Variants in HEATR5B observed in about 807,000 individuals in gnomAD.
HEATR5B encodes HEAT repeat-containing protein 5B.
In HEATR5B, 156 loss-of-function variants were observed where a neutral mutation model predicts 224.1. The ratio of observed to expected loss-of-function variants is 0.70; its 90% CI spans 0.61 to 0.80. The LOEUF (loss-of-function observed/expected upper bound fraction) is 0.80, where lower values mean the gene tolerates loss of function less well. Among genes scored for constraint, HEATR5B ranks in the 30% least tolerant of loss-of-function variants. The probability of loss-of-function intolerance (pLI) is 0.00; values close to 1 mark genes in which losing one functional copy is unlikely to be tolerated. For missense variants in HEATR5B, 2,323 were observed against 2,535.5 expected, an observed-to-expected ratio of 0.92 and a Z score of 1.80; for synonymous variants, 1,027 against 893.0, an observed-to-expected ratio of 1.15 and a Z score of -2.68.
At chr2:37,009,775 C>T (rs574639951) in intron 27 of HEATR5B, among the ~76,000 whole-genome samples, 1 of 150,636 alleles carries the variant, frequency 6.6e-6, no homozygotes, top group Non-Finnish European at 1.5e-5. Context: ...CACCCCCCGC[C>T]TCCACTTTTT....
intron 21 of HEATR5B, 132 bp from the exon 22 acceptor site, chr2:37,032,905 A>T: frequency 1.3e-6 from 1 of 757,824 alleles, no homozygotes; most frequent in Non-Finnish European, 2.0e-6. Context: ...TTTGAGACAG[A>T]GTTTTGCTCT....
In HEATR5B at chr2:37,075,646, T is replaced by C. The variant is rs747779156; in HGVS notation, c.448-12A>G. The C allele has an allele frequency of 1.3e-6, 2 of 1,596,158 alleles. No homozygotes were observed. The highest frequency in any genetic ancestry group is 1.7e-6 in the Non-Finnish European group (2 of 1,171,010). ...CTTCGCCCTTGAGACTAGACATGTA[T>C]ACAAAACAAAACTATTTTGTAAAAT... On this transcript the variant is annotated splice_polypyrimidine_tract_variant and intron_variant, in intron 4 of 35. Coordinates refer to ENST00000233099, the MANE Select transcript of HEATR5B (RefSeq NM_019024.3).
intron 34 of HEATR5B, among the ~76,000 whole-genome samples, chr2:36,989,183 T>C (rs563057255): frequency 6.6e-6 from 1 of 152,278 alleles, no homozygotes; most frequent in South Asian, 2.1e-4. Context: ...CCTCCCGGGT[T>C]CAAGCGATTC....
rs1572906945 is a variant in HEATR5B, at chr2:37,058,451, C to T, written c.2059G>A (p.Gly687Arg). The stretch of plus-strand genomic sequence containing the variant: ...CAGATACCACAAATTTTTAATTTAC[C>T]TTCATAAGTTTTTGGAGGTAACAAA... ...LALLPPKTYEGSFNALLRELV... is the reference protein window; with the variant it reads ...LALLPPKTYERSFNALLRELV... The change falls in exon 14 of 36, where the codon GGA (glycine) becomes AGA (arginine). Residue 687 changes from glycine (G) to arginine (R), a missense_variant and splice_region_variant. Gly to Arg is a moderately radical substitution (Grantham distance 125). Coordinates refer to ENST00000233099, the MANE Select transcript of HEATR5B (RefSeq NM_019024.3). 1 of 1,579,328 alleles carries T rather than the reference C, an allele frequency of 6.3e-7. No homozygotes were observed. The highest frequency in any genetic ancestry group is 8.7e-7 in the Non-Finnish European group (1 of 1,149,690).
intron 15 of HEATR5B, 126 bp from the exon 16 acceptor site, chr2:37,056,741 C>T (rs1230587914): frequency 5.3e-6 from 4 of 757,680 alleles, no homozygotes; most frequent in East Asian, 3.0e-5. Flanking sequence ...TGATTGGATC[C>T]GAACATTTGA....
intron 32 of HEATR5B, among the ~76,000 whole-genome samples, 188 bp downstream of exon 32, chr2:37,002,118 G>C (rs1237655007): frequency 6.6e-6 from 1 of 152,142 alleles, no homozygotes; most frequent in Non-Finnish European, 1.5e-5. Flanking sequence ...CCTTAGGTTT[G>C]TGACTTTTTG....
At chr2:37,053,397 C>T in intron 17 of HEATR5B, 105 bp downstream of exon 17, 1 of 506,164 alleles carries the variant, frequency 2.0e-6, no homozygotes, top group Non-Finnish European at 3.4e-6. Context: ...GGCACAGTTA[C>T]CAAGTGATTT....
chr2:37,079,340 A>G lies in HEATR5B; in HGVS notation c.127-9T>C. The G allele has an allele frequency of 6.5e-7, 1 of 1,541,252 alleles. No homozygotes were observed. Among genetic ancestry groups the G allele is most frequent in the Non-Finnish European group, 8.7e-7 (1 of 1,143,448 alleles). On this transcript the variant is annotated splice_polypyrimidine_tract_variant and intron_variant, in intron 2 of 35. Coordinates refer to ENST00000233099, the MANE Select transcript of HEATR5B (RefSeq NM_019024.3). ...TTTTCCTTTACATCGGTCTGTTACAAAAAAAATTTTTAAAAGAACATCATT... is the reference window on the plus strand; with the variant it reads ...TTTTCCTTTACATCGGTCTGTTACAGAAAAAATTTTTAAAAGAACATCATT...
chr2:37,077,944 C>G (rs1338072124), intron 3 of HEATR5B, among the ~76,000 whole-genome samples: 1 of 152,214 alleles, frequency 6.6e-6, no homozygotes, highest in East Asian at 1.9e-4. Context: ...CAACACACTT[C>G]TTCAGGAGCA....
intron 21 of HEATR5B, among the ~76,000 whole-genome samples, chr2:37,034,198 G>A (rs1287294457): frequency 6.6e-6 from 1 of 151,106 alleles, no homozygotes; most frequent in Non-Finnish European, 1.5e-5. Context: ...AGTAGAGATG[G>A]GGTTTCACCG....
rs774136648 is a variant in HEATR5B at position 37,007,123 on chromosome 2, G to C, written c.4704C>G (p.Asn1568Lys). ...LQKRSTSVNL[N>K]QASGAVGSAK... The stretch of plus-strand genomic sequence containing the variant: ...CACTACCCACTGCTCCTGATGCCTG[G>C]TTTAAATTGACAGATGTAGAACGTT... The change falls in exon 29 of 36, where the codon AAC (asparagine) becomes AAG (lysine). Residue 1568 changes from asparagine to lysine, a missense_variant. Asn to Lys is a moderately conservative substitution (Grantham distance 94). Coordinates refer to ENST00000233099, the MANE Select transcript of HEATR5B (RefSeq NM_019024.3). 84 of 1,613,920 alleles carry C rather than the reference G, an allele frequency of 5.2e-5. No homozygotes were observed. Among genetic ancestry groups the C allele is most frequent in the Non-Finnish European group, 6.9e-5 (81 of 1,179,998 alleles).
intron 19 of HEATR5B, 78 bp from the exon 20 acceptor site, chr2:37,040,596 T>G: frequency 2.0e-6 from 2 of 1,008,324 alleles, no homozygotes; most frequent in Non-Finnish European, 2.9e-6. Flanking sequence ...AATTGTTACA[T>G]GGGTATACTC....
chr2:37,061,134 C>A, intron 11 of HEATR5B, among the ~76,000 whole-genome samples: 1 of 151,680 alleles, frequency 6.6e-6, no homozygotes, highest in Non-Finnish European at 1.5e-5. Context: ...ACAAATATAC[C>A]CACTCACACA....
chr2:36,999,979 TAC>T (rs1298788727), intron 33 of HEATR5B, among the ~76,000 whole-genome samples: 1 of 151,676 alleles, frequency 6.6e-6, no homozygotes, highest in Non-Finnish European at 1.5e-5. Flanking sequence ...GCCACTGCAC[TAC>T]AGTCTGGGTG....
At chr2:37,021,783 G>C (rs1668473838) in intron 24 of HEATR5B, among the ~76,000 whole-genome samples, 1 of 151,554 alleles carries the variant, frequency 6.6e-6, no homozygotes, top group Non-Finnish European at 1.5e-5. Flanking sequence ...GCTACTCAGG[G>C]GGCTGAGGTA....
intron 17 of HEATR5B, among the ~76,000 whole-genome samples, chr2:37,052,663 A>C (rs1558347982): frequency 1.3e-5 from 2 of 152,174 alleles, no homozygotes; most frequent in Non-Finnish European, 2.9e-5. Flanking sequence ...CTACTTTTGC[A>C]CTTTGGGGCC....
chr2:37,069,900 CTTT>C (rs11372186), intron 7 of HEATR5B, among the ~76,000 whole-genome samples: 3 of 140,366 alleles, frequency 2.1e-5, no homozygotes, highest in Non-Finnish European at 4.6e-5. Context: ...TGAACAAAAT[CTTT>C]TTTTTTTTTT....
chr2:36,988,847 A>G lies in HEATR5B; in HGVS notation c.5710T>C (p.Cys1904Arg), dbSNP rs780515071. 1.1e-5 allele frequency: 17 copies of G among 1,613,804 alleles called. No individual in the cohort carries two copies. Among genetic ancestry groups the G allele is most frequent in the Non-Finnish European group, 1.4e-5 (17 of 1,179,814 alleles). The change falls in exon 35 of 36, where the codon TGT becomes CGT. Residue 1904 changes from cysteine (C) to arginine (R), a missense_variant. By Grantham distance (180) the Cys-to-Arg change is radical. Around this residue, in one of 12 missense-constraint regions of HEATR5B, gnomAD observed 844 missense variants for 812.9 expected, o/e 1.04. Transcript: ENST00000233099. ...AAGACTGAGAGGAGAAGCTGGTAAC[A>G]TTTGGCTTGAACCTATATAAGAAGA... ...NSCDPWVQAK[C>R]YQLLLSVFQH...
intron 7 of HEATR5B, 102 bp downstream of exon 7, chr2:37,070,128 G>C (rs892673912): frequency 9.4e-7 from 1 of 1,059,184 alleles, no homozygotes. Flanking sequence ...TCAAACTCCT[G>C]ACCTCAGGCA....
Sources: allele counts gnomAD v4.1 joint callset (sites outside exome capture counted in the v4.1 genomes callset), GRCh38; gene constraint gnomAD v4.1.1; regional missense constraint gnomAD v4.1.1; transcripts MANE v1.5; gene names NCBI Gene and HGNC (gene_info 2026-07-23, HGNC 2026-07-21).